The following ADAMTS12 variants were observed in gnomAD, a reference collection of about 807,000 sequenced individuals.
ADAMTS12 encodes the protein A disintegrin and metalloproteinase with thrombospondin motifs 12.
Under a neutral mutation model 167.8 loss-of-function variants are expected in ADAMTS12, and 118 were observed. That is an observed-to-expected ratio of 0.70 (90% CI 0.61 to 0.82). ADAMTS12 has a LOEUF of 0.82. Ranked by LOEUF, ADAMTS12 falls within the 40% of genes least tolerant of loss-of-function variation. The pLI, the probability that ADAMTS12 is intolerant of heterozygous loss-of-function variation, is 0.00. For missense variants in ADAMTS12, 1,916 were observed against 1,998.8 expected (o/e 0.96, Z 0.79); for synonymous variants, 704 against 716.9 (o/e 0.98, Z 0.29).
intron 20 of ADAMTS12, among the ~76,000 whole-genome samples, chr5:33,551,707 C>T (rs1745258915): frequency 1.3e-5 from 2 of 152,154 alleles, no homozygotes; most frequent in Admixed American, 1.3e-4. Context: ...AGCATGTGCA[C>T]ATTCAGTGGG....
intron 14 of ADAMTS12, among the ~76,000 whole-genome samples, chr5:33,620,188 G>A (rs1453051776): frequency 6.6e-6 from 1 of 152,212 alleles, no homozygotes; most frequent in Non-Finnish European, 1.5e-5. Flanking sequence ...CATTTATCTT[G>A]AAGTAGCAGA....
intron 20 of ADAMTS12, among the ~76,000 whole-genome samples, chr5:33,552,445 G>A (rs1169879732): frequency 6.6e-6 from 1 of 152,202 alleles, no homozygotes; most frequent in Non-Finnish European, 1.5e-5. Context: ...TGTCATAAAT[G>A]TATGAGATCA....
chr5:33,800,945 T>C (rs1334137919), intron 2 of ADAMTS12, among the ~76,000 whole-genome samples: 1 of 152,200 alleles, frequency 6.6e-6, no homozygotes, highest in Non-Finnish European at 1.5e-5. Context: ...GGAAAGATTA[T>C]CTAGGTGGGT....
intron 23 of ADAMTS12, 152 bp downstream of exon 23, chr5:33,534,681 C>T: frequency 1.0e-6 from 1 of 995,458 alleles, no homozygotes; most frequent in Non-Finnish European, 1.4e-6. Flanking sequence ...CTCACCAGAT[C>T]AGATAGTTTG....
At chr5:33,701,527 C>T (rs1171324412) in intron 3 of ADAMTS12, among the ~76,000 whole-genome samples, 1 of 152,188 alleles carries the variant, frequency 6.6e-6, no homozygotes, top group Non-Finnish European at 1.5e-5. Context: ...TTCCTGGGAG[C>T]AGATCTGATT....
intron 5 of ADAMTS12, among the ~76,000 whole-genome samples, chr5:33,677,004 C>T (rs1419887270): frequency 6.6e-6 from 1 of 152,180 alleles, no homozygotes; most frequent in African/African-American, 2.4e-5. Context: ...TTAGGCTCCT[C>T]CACTGGATGG....
At chr5:33,718,056 C>T (rs1743676630) in intron 3 of ADAMTS12, among the ~76,000 whole-genome samples, 1 of 152,182 alleles carries the variant, frequency 6.6e-6, no homozygotes, top group Admixed American at 6.5e-5. Context: ...GTTGAATTTT[C>T]CTGGGCTGAA....
At chr5:33,723,187 C>T (rs944456722) in intron 3 of ADAMTS12, among the ~76,000 whole-genome samples, 1 of 152,188 alleles carries the variant, frequency 6.6e-6, no homozygotes, top group Non-Finnish European at 1.5e-5. Context: ...CCCCATTTTA[C>T]TGTCATGTGT....
intron 23 of ADAMTS12, among the ~76,000 whole-genome samples, chr5:33,532,080 G>A (rs1744130236): frequency 6.6e-6 from 1 of 152,098 alleles, no homozygotes; most frequent in Non-Finnish European, 1.5e-5. Context: ...ATAATTATGG[G>A]CAACTTGGAG....
chr5:33,645,386 C>T (rs1389906151), intron 9 of ADAMTS12, among the ~76,000 whole-genome samples: 1 of 152,082 alleles, frequency 6.6e-6, no homozygotes, highest in Non-Finnish European at 1.5e-5. Context: ...TCTTCTAGCT[C>T]ATCCTTTCAT....
chr5:33,602,644 C>G (rs910599973), intron 16 of ADAMTS12, among the ~76,000 whole-genome samples: 19 of 152,118 alleles, frequency 1.2e-4, no homozygotes, highest in Non-Finnish European at 2.6e-4. Context: ...TTCTAAATAT[C>G]AGTATATGGT....
At position 33,843,138 on chromosome 5, in the gene ADAMTS12, T is replaced by A. The variant is rs6884618; in HGVS notation, c.489+37981A>T. Among the ~76,000 whole-genome samples the A allele has an allele frequency of 6.1e-3, 924 of 152,216 alleles. 8 individuals are homozygous for A. Among genetic ancestry groups the A allele is most frequent in the African/African-American group, 0.021 (875 of 41,532 alleles). On this transcript the variant is annotated intron_variant, in intron 2 of 23. Transcript: ENST00000504830. ...AGTAGGACAGATAAAAGTATGCATC[T>A]GTGTAGGGTTGGAACGAGAGGAGAG...
chr5:33,798,705 G>A (rs1350810916), intron 2 of ADAMTS12, among the ~76,000 whole-genome samples: 3 of 152,102 alleles, frequency 2.0e-5, no homozygotes, highest in African/African-American at 7.2e-5. Context: ...CTCCCAAAGT[G>A]CTGGGATTAC....
intron 23 of ADAMTS12, among the ~76,000 whole-genome samples, chr5:33,533,573 C>A (rs1019287330): frequency 6.6e-6 from 1 of 152,162 alleles, no homozygotes; most frequent in African/African-American, 2.4e-5. Flanking sequence ...ATGAATAACA[C>A]TTCTGAAAAT....
chr5:33,683,832 C>T lies in ADAMTS12; in HGVS notation c.831+27G>A, dbSNP rs755096341. 2.8e-6 allele frequency: 4 copies of T among 1,423,048 alleles called. No individual in the cohort carries two copies. In the East Asian group the frequency reaches 7.7e-5, roughly 27 times the overall value. The allele number at this position is 1,423,048 out of a possible 1,614,324, so 88.2% of individuals were successfully genotyped here. ...TCTAATGACATCTGTTCACTAGCTG[C>T]CCCAGCCCCCATGTAGTCTGGCATA... On this transcript the variant is annotated intron_variant, in intron 4 of 23. Coordinates refer to ENST00000504830, the MANE Select transcript of ADAMTS12 (RefSeq NM_030955.4).
chr5:33,653,621 A>T (rs1740942979), intron 7 of ADAMTS12, among the ~76,000 whole-genome samples: 1 of 152,080 alleles, frequency 6.6e-6, no homozygotes, highest in Non-Finnish European at 1.5e-5. Context: ...ATTGAAAAAT[A>T]TTGCACCTCT....
intron 2 of ADAMTS12, among the ~76,000 whole-genome samples, chr5:33,797,163 T>C (rs527525074): frequency 6.2e-4 from 95 of 152,330 alleles, no homozygotes; most frequent in African/African-American, 2.2e-3. Context: ...CAAATCTAGA[T>C]GCCTAGCCTC....
At chr5:33,742,328 C>A (rs1474938304) in intron 3 of ADAMTS12, among the ~76,000 whole-genome samples, 2 of 78,370 alleles carry the variant, frequency 2.6e-5, no homozygotes, top group African/African-American at 4.7e-5. Context: ...CTTCCTTCCC[C>A]GTAAAAAAAA....
chr5:33,790,545 G>A (rs1416573272), intron 2 of ADAMTS12, among the ~76,000 whole-genome samples: 1 of 130,988 alleles, frequency 7.6e-6, no homozygotes, highest in East Asian at 2.3e-4. Context: ...GACAGAGCAA[G>A]ACTCCATCTC....
Sources: allele counts gnomAD v4.1 joint callset (sites outside exome capture counted in the v4.1 genomes callset), GRCh38; gene constraint gnomAD v4.1.1; transcripts MANE v1.5; gene names NCBI Gene and HGNC (gene_info 2026-07-23, HGNC 2026-07-21).